The following ALPK3 variants were observed in gnomAD, a reference collection of about 807,000 sequenced individuals.
ALPK3 encodes alpha kinase 3.
In ALPK3, 102 loss-of-function variants were observed where a neutral mutation model predicts 140.0. The ratio of observed to expected loss-of-function variants is 0.73; its 90% CI spans 0.62 to 0.86. The LOEUF (loss-of-function observed/expected upper bound fraction) is 0.86. Among genes scored for constraint, ALPK3 ranks in the 40% least tolerant of loss-of-function variants. The probability of loss-of-function intolerance (pLI) is 0.00; values close to 1 mark genes in which losing one functional copy is unlikely to be tolerated. For missense variants in ALPK3, 2,254 were observed against 2,208.2 expected (o/e 1.02, Z -0.42); for synonymous variants, 938 against 898.5 (o/e 1.04, Z -0.79).
At chr15:84,858,596 G>A in intron 6 of ALPK3, 41 bp downstream of exon 6, 8 of 1,527,180 alleles carry the variant, frequency 5.2e-6, no homozygotes, top group African/African-American at 1.4e-5. Context: ...CACAGGACAG[G>A]GCCACAGAAA....
Position 84,863,506 on chromosome 15 carries a change from A to C in ALPK3, c.4411-46A>C, listed in dbSNP as rs746072047. 3.2e-6 allele frequency: 5 copies of C among 1,546,526 alleles called. No individual in the cohort carries two copies. The Admixed American group carries it at 8.6e-5, about 27-fold the overall frequency. ...CACTTAGGGGTAGACACAGTGGAGGACTGAGGAATTTCTTTGCTCACCACA... is the reference window on the plus strand; with the variant it reads ...CACTTAGGGGTAGACACAGTGGAGGCCTGAGGAATTTCTTTGCTCACCACA... On this transcript the variant is annotated intron_variant, in intron 10 of 13. Transcript: ENST00000258888.
At chr15:84,836,008 A>G (rs1277216952) in intron 3 of ALPK3, among the ~76,000 whole-genome samples, 4 of 152,256 alleles carry the variant, frequency 2.6e-5, no homozygotes, top group African/African-American at 9.6e-5. Flanking sequence ...TAAGTGTATA[A>G]TATGTCAGGT....
intron 3 of ALPK3, among the ~76,000 whole-genome samples, chr15:84,830,409 T>C (rs1963534134): frequency 6.6e-6 from 1 of 152,202 alleles, no homozygotes; most frequent in South Asian, 2.1e-4. Flanking sequence ...CCCCAGTGGT[T>C]TCATCAGGTC....
In ALPK3 at chr15:84,857,137, T is replaced by C. The variant is rs1963873315; in HGVS notation, c.2399T>C (p.Leu800Pro). The part of the protein sequence containing the change: ...VLGPLSGNLM[L>P]PAQPPHEGSV... Reference sequence around the variant, plus strand: ...GGTCCCCTGTCAGGGAACCTCATGCTCCCAGCACAGCCGCCCCATGAGGGG... The same window carrying C: ...GGTCCCCTGTCAGGGAACCTCATGCCCCCAGCACAGCCGCCCCATGAGGGG... The change falls in exon 6 of 14, where the codon CTC (leucine) becomes CCC (proline). Residue 800 changes from leucine (L) to proline (P), a missense_variant. Transcript: ENST00000258888. The C allele has an allele frequency of 6.2e-7, 1 of 1,613,962 alleles. No individual in the cohort carries two copies. Among genetic ancestry groups the C allele is most frequent in the Non-Finnish European group, 8.5e-7 (1 of 1,179,954 alleles).
chr15:84,864,500 G>T lies in ALPK3; in HGVS notation c.4558G>T (p.Glu1520Ter), dbSNP rs1239225169. 2 of 1,614,052 alleles carry T rather than the reference G, an allele frequency of 1.2e-6. No homozygotes were observed. Among genetic ancestry groups the T allele is most frequent in the African/African-American group, 1.3e-5 (1 of 74,932 alleles). Residue 1520 changes from glutamate (E) to a stop codon, truncating the protein, a stop_gained, in exon 12 of 14, where the codon GAG becomes TAG. Coordinates refer to ENST00000258888, the MANE Select transcript of ALPK3 (RefSeq NM_020778.5). LOFTEE classifies it high-confidence loss of function. ...AAACAATATCCCATATGCTACCCTG[G>T]AGGAAGACCTGGGCAAGCCCCTGGA... ...PANNIPYATL[E>*]EDLGKPLESY...
At chr15:84,828,433 C>T (rs1030416435) in intron 3 of ALPK3, among the ~76,000 whole-genome samples, 3 of 152,114 alleles carry the variant, frequency 2.0e-5, no homozygotes, top group Non-Finnish European at 4.4e-5. Context: ...CCTCAGGGCC[C>T]GCAGGACCCA....
In ALPK3 at chr15:84,835,079, C is replaced by G. The variant is rs536231313; in HGVS notation, c.305-3901C>G. Among the ~76,000 whole-genome samples, 17 of 152,338 alleles carry G rather than the reference C, an allele frequency of 1.1e-4. No homozygotes were observed. The South Asian group carries it at 3.5e-3, about 32-fold the overall frequency. ...CAGCTCCTCCCTCCTTGCCCCACCC[C>G]TGCCCTCTTGCCCAAGCATTTGACT... On this transcript the variant is annotated intron_variant, in intron 3 of 13. Coordinates refer to ENST00000258888, the MANE Select transcript of ALPK3 (RefSeq NM_020778.5).
chr15:84,850,679 A>G (rs1262904997), intron 5 of ALPK3, among the ~76,000 whole-genome samples: 1 of 152,100 alleles, frequency 6.6e-6, no homozygotes, highest in African/African-American at 2.4e-5. Context: ...GAGCAACCAT[A>G]TCTGGCCATA....
In ALPK3 at chr15:84,856,551, G is replaced by A. The variant is rs764396734; in HGVS notation, c.1813G>A (p.Gly605Arg). 1 of 1,614,156 alleles carries A rather than the reference G, an allele frequency of 6.2e-7. No individual in the cohort carries two copies. The highest frequency in any genetic ancestry group is 8.5e-7 in the Non-Finnish European group (1 of 1,180,034). The change falls in exon 6 of 14, where the codon GGA becomes AGA. Residue 605 changes from glycine to arginine, a missense_variant. Physicochemically the swap from Gly to Arg is moderately radical, Grantham distance 125 (BLOSUM62 -2). Coordinates refer to ENST00000258888, the MANE Select transcript of ALPK3 (RefSeq NM_020778.5). ...DGRTSANQRT[G>R]SKKNVQADGK... ...GAGAACATCTGCTAACCAGAGAACT[G>A]GAAGCAAGAAGAATGTGCAGGCAGA...
chr15:84,823,260 C>A (rs745830284), intron 1 of ALPK3, 70 bp from the exon 2 acceptor site: 2 of 1,559,152 alleles, frequency 1.3e-6, no homozygotes, highest in Non-Finnish European at 1.8e-6. Flanking sequence ...TAATAGTTTG[C>A]GACTGTTGAT....
chr15:84,846,087 T>TA (rs945276321), intron 5 of ALPK3, among the ~76,000 whole-genome samples: 15 of 151,150 alleles, frequency 9.9e-5, no homozygotes, highest in African/African-American at 2.2e-4. Context: ...ACAACAACAA[T>TA]AAAAAAACCC....
In ALPK3 at chr15:84,827,236, C is replaced by G. The variant is rs79825359; in HGVS notation, c.183-248C>G. ...GCTTGTAGACTGGCATGCTCAGGAG[C>G]CTGGCCCATGGTCAGTAGCTTGCCT... On this transcript the variant is annotated intron_variant, in intron 2 of 13. Transcript: ENST00000258888. 9.4e-3 allele frequency among the ~76,000 whole-genome samples: 1,426 copies of G among 152,318 alleles called. 9 individuals are homozygous for G. Among genetic ancestry groups the G allele is most frequent in the Non-Finnish European group, 0.016 (1,098 of 68,034 alleles).
At chr15:84,817,635 A>T (rs1963376510) in intron 1 of ALPK3, 40 bp downstream of exon 1, 4 of 1,462,614 alleles carry the variant, frequency 2.7e-6, no homozygotes, top group African/African-American at 2.9e-5. Context: ...CGGGCCGGCG[A>T]TGCCCTGGGA....
chr15:84,849,889 A>G (rs1963781443), intron 5 of ALPK3, among the ~76,000 whole-genome samples: 2 of 152,032 alleles, frequency 1.3e-5, no homozygotes, highest in Admixed American at 1.3e-4. Flanking sequence ...AAACAGATAG[A>G]AAAGAACAGA....
rs759871172 is a variant in ALPK3 at position 84,872,114 on chromosome 15, C to G, written c.*3658C>G. The G allele has an allele frequency of 1.3e-5, 2 of 152,288 alleles. No individual in the cohort carries two copies. Among genetic ancestry groups the G allele is most frequent in the East Asian group, 3.8e-4 (2 of 5,198 alleles). The allele number at this position is 152,288 out of a possible 1,614,324, so 9.4% of individuals were successfully genotyped here. On this transcript the variant is annotated 3_prime_UTR_variant, in exon 14 of 14. Coordinates refer to ENST00000258888, the MANE Select transcript of ALPK3 (RefSeq NM_020778.5). ...AGTGTACCGTTGATAATGGAACGCA[C>G]TGGCCATGCCAGACTTTATGGCTAG...
rs1334528809 is a variant in ALPK3 at position 84,839,074 on chromosome 15, C to A, written c.399C>A (p.Asn133Lys). The change falls in exon 4 of 14, where the codon AAC becomes AAA. Residue 133 changes from asparagine (N) to lysine (K), a missense_variant. Physicochemically the swap from Asn to Lys is moderately conservative, Grantham distance 94. Transcript: ENST00000258888. ...AATATGAGATCACTCATCAGGGCAA[C>A]CGCCACACACTGCAGCTGTACAGGT... ...LPKYEITHQG[N>K]RHTLQLYRCR... 6.2e-7 allele frequency: 1 copy of A among 1,609,884 alleles called. No homozygotes were observed. Among genetic ancestry groups the A allele is most frequent in the East Asian group, 2.2e-5 (1 of 44,758 alleles).
At chr15:84,859,205 G>A in intron 6 of ALPK3, 38 bp from the exon 7 acceptor site, 1 of 1,612,694 alleles carries the variant, frequency 6.2e-7, no homozygotes, top group Non-Finnish European at 8.5e-7. Context: ...GGCCAGAGGA[G>A]AGGTGGTGTT....
intron 3 of ALPK3, among the ~76,000 whole-genome samples, chr15:84,838,708 C>G (rs1022004353): frequency 6.6e-6 from 1 of 151,690 alleles, no homozygotes; most frequent in Non-Finnish European, 1.5e-5. Context: ...CAACCTCGGA[C>G]TCCTGGGTTC....
chr15:84,848,175 T>C (rs954310472), intron 5 of ALPK3, among the ~76,000 whole-genome samples: 5 of 151,668 alleles, frequency 3.3e-5, no homozygotes, highest in Admixed American at 1.3e-4. Flanking sequence ...GCAATGGAAA[T>C]GGTAAATATC....
Sources: gnomAD v4.1 joint callset for allele counts (sites outside exome capture counted in the v4.1 genomes callset) on GRCh38, gnomAD v4.1.1 for gene constraint, MANE v1.5 for transcripts, NCBI Gene and HGNC (gene_info 2026-07-23, HGNC 2026-07-21) for gene names.